ADAMTSL1: variants seen among roughly 807,000 people sequenced by gnomAD.
The protein encoded by ADAMTSL1 is ADAMTS like 1.
ADAMTSL1 carries 126 observed loss-of-function variants against 201.8 expected under a neutral mutation model. That is an observed-to-expected ratio of 0.62 (90% CI 0.54 to 0.72). ADAMTSL1 has a LOEUF of 0.72. ADAMTSL1 is among the 30% of genes least tolerant of loss of function. ADAMTSL1 has a pLI of 0.00. For missense variants in ADAMTSL1, 2,679 were observed against 2,277.8 expected (o/e 1.18, Z -3.59); for synonymous variants, 1,121 against 903.4 (o/e 1.24, Z -4.32).
chr9:18,001,661 GA>G (rs1482409888), intron 1 of ADAMTSL1, among the ~76,000 whole-genome samples: 1 of 152,008 alleles, frequency 6.6e-6, no homozygotes, highest in Non-Finnish European at 1.5e-5. Context: ...TCCAGGAAGA[GA>G]GAATAGACAG....
chr9:18,188,957 G>A lies in ADAMTSL1; in HGVS notation c.207+24976G>A, dbSNP rs549042883. 1.6e-4 allele frequency among the ~76,000 whole-genome samples: 24 copies of A among 152,274 alleles called. 1 individual carries two copies. The highest frequency in any genetic ancestry group is 7.9e-4 in the Admixed American group (12 of 15,286). The stretch of plus-strand genomic sequence containing the variant: ...AACTGAGGCTTGGGAAGGTTAAATA[G>A]CTTGCTTAGGTCACACTGTTAGCAC... On this transcript the variant is annotated intron_variant, in intron 2 of 29. Coordinates refer to the ADAMTSL1 transcript ENST00000680146.
intron 1 of ADAMTSL1, among the ~76,000 whole-genome samples, chr9:18,098,812 A>G (rs1159867340): frequency 6.6e-6 from 1 of 152,150 alleles, no homozygotes; most frequent in Admixed American, 6.5e-5. Context: ...TGATCCATGC[A>G]TTGTAATCTC....
chr9:18,671,337 T>A (rs571373744), intron 9 of ADAMTSL1, among the ~76,000 whole-genome samples: 1 of 152,258 alleles, frequency 6.6e-6, no homozygotes, highest in East Asian at 1.9e-4. Context: ...ACCATGTGAG[T>A]CTTCTAAATG....
intron 2 of ADAMTSL1, among the ~76,000 whole-genome samples, chr9:18,455,418 G>T (rs970550397): frequency 1.3e-5 from 2 of 151,850 alleles, no homozygotes; most frequent in Admixed American, 1.3e-4. Flanking sequence ...TTTCTAAGCT[G>T]GTACCACTTA....
At chr9:18,448,298 C>G (rs1820274849) in intron 2 of ADAMTSL1, among the ~76,000 whole-genome samples, 1 of 152,110 alleles carries the variant, frequency 6.6e-6, no homozygotes, top group Non-Finnish European at 1.5e-5. Flanking sequence ...GGGAAGGACA[C>G]AGGACACTGG....
At chr9:18,842,246 C>G (rs1275328950) in intron 23 of ADAMTSL1, among the ~76,000 whole-genome samples, 1 of 151,982 alleles carries the variant, frequency 6.6e-6, no homozygotes, top group African/African-American at 2.4e-5. Context: ...TGTCTTTGTT[C>G]TCGTTGGTTT....
intron 2 of ADAMTSL1, among the ~76,000 whole-genome samples, chr9:18,326,940 G>A (rs76972419): frequency 0.029 from 4,466 of 152,172 alleles, 104 homozygotes; most frequent in African/African-American, 0.066. Flanking sequence ...ATTGAGACCA[G>A]TTAAATATTT....
chr9:18,663,099 T>C (rs1330547445), intron 9 of ADAMTSL1, among the ~76,000 whole-genome samples: 1 of 152,188 alleles, frequency 6.6e-6, no homozygotes, highest in Non-Finnish European at 1.5e-5. Context: ...CATTCTATTT[T>C]GAGGTGATAA....
chr9:18,429,188 C>A (rs1169722828), intron 2 of ADAMTSL1, among the ~76,000 whole-genome samples: 2 of 151,998 alleles, frequency 1.3e-5, no homozygotes, highest in African/African-American at 4.8e-5. Context: ...ATGACATATT[C>A]TTTGCCACTA....
intron 1 of ADAMTSL1, among the ~76,000 whole-genome samples, chr9:17,947,851 A>G (rs959880083): frequency 6.6e-6 from 1 of 152,170 alleles, no homozygotes; most frequent in Non-Finnish European, 1.5e-5. Context: ...TTCTACCTGA[A>G]CGAAAAGTCA....
At chr9:18,689,339 A>G (rs561467236) in intron 13 of ADAMTSL1, among the ~76,000 whole-genome samples, 2 of 152,282 alleles carry the variant, frequency 1.3e-5, no homozygotes, top group Non-Finnish European at 2.9e-5. Flanking sequence ...AAAATGATAC[A>G]ATGATGATCC....
chr9:18,525,709 G>T (rs906616940), intron 2 of ADAMTSL1, among the ~76,000 whole-genome samples: 1 of 152,186 alleles, frequency 6.6e-6, no homozygotes, highest in African/African-American at 2.4e-5. Context: ...GTACCCAGTA[G>T]TCATTCAGGA....
intron 1 of ADAMTSL1, among the ~76,000 whole-genome samples, chr9:18,496,233 C>T (rs1179057084): frequency 1.3e-5 from 2 of 152,172 alleles, no homozygotes; most frequent in South Asian, 2.1e-4. Flanking sequence ...AAGGAGAATA[C>T]TGCAATACTA....
intron 1 of ADAMTSL1, among the ~76,000 whole-genome samples, chr9:17,951,372 A>G (rs1339212084): frequency 6.6e-6 from 1 of 152,198 alleles, no homozygotes; most frequent in Admixed American, 6.5e-5. Context: ...AGTCTTTGGC[A>G]TACAATTTTT....
intron 1 of ADAMTSL1, among the ~76,000 whole-genome samples, chr9:17,971,881 TAA>T (rs1202794583): frequency 6.6e-6 from 1 of 151,958 alleles, no homozygotes; most frequent in Non-Finnish European, 1.5e-5. Flanking sequence ...TCTGTGATAC[TAA>T]TCAGAACTAG....
chr9:18,626,804 A>AT lies in ADAMTSL1; in HGVS notation c.601+4439dup, dbSNP rs78623612. ...TCATAGATATACTGCACCTGTATTT[A>AT]TTTTCTTTCTTTCTTTCTTTCTTTC... On this transcript the variant is annotated intron_variant, in intron 5 of 28. Coordinates refer to ENST00000380548, the MANE Select transcript of ADAMTSL1 (RefSeq NM_001040272.6). 8.7e-3 allele frequency among the ~76,000 whole-genome samples: 1,018 copies of AT among 117,542 alleles called. 2 individuals carry two copies. The highest frequency in any genetic ancestry group is 0.018 in the East Asian group (78 of 4,292). 77.1% of individuals were successfully genotyped at this position (117,542 alleles called of 152,430 possible). A position where few individuals can be genotyped will look rare whatever the true frequency, so the allele number is the denominator to read the frequency against.
chr9:18,273,832 G>A (rs1240528585), intron 2 of ADAMTSL1, among the ~76,000 whole-genome samples: 1 of 152,174 alleles, frequency 6.6e-6, no homozygotes, highest in African/African-American at 2.4e-5. Context: ...TGAGTGATCA[G>A]TCTTCCACTG....
chr9:18,875,939 A>G (rs1004170715), intron 23 of ADAMTSL1, among the ~76,000 whole-genome samples: 1 of 151,148 alleles, frequency 6.6e-6, no homozygotes, highest in Non-Finnish European at 1.5e-5. Context: ...TATTATGTGC[A>G]TAGTTAGGAT....
At chr9:18,507,575 G>A (rs1817751476) in intron 2 of ADAMTSL1, among the ~76,000 whole-genome samples, 1 of 151,972 alleles carries the variant, frequency 6.6e-6, no homozygotes, top group African/African-American at 2.4e-5. Context: ...AGTTTTTATG[G>A]CAATTACACA....
Sources: gnomAD v4.1 joint callset for allele counts (sites outside exome capture counted in the v4.1 genomes callset) on GRCh38, gnomAD v4.1.1 for gene constraint, MANE v1.5 for transcripts, NCBI Gene and HGNC (gene_info 2026-07-23, HGNC 2026-07-21) for gene names.